Variants in PCDHA3 observed in about 807,000 individuals in gnomAD.
PCDHA3 encodes protocadherin alpha-3.
A neutral mutation model predicts 62.2 loss-of-function variants in PCDHA3; 41 were observed. That is an observed-to-expected ratio of 0.66 (90% CI 0.51 to 0.86). PCDHA3 has a LOEUF of 0.86. PCDHA3 is among the 40% of genes least tolerant of loss of function. PCDHA3 has a pLI of 0.00. For synonymous variants in PCDHA3, 640 were observed against 555.4 expected (o/e 1.15, Z -2.14); for missense variants, 1,304 against 1,241.2 (o/e 1.05, Z -0.76).
At chr5:140,882,606 C>T in intron 1 of PCDHA3, 2 of 1,614,238 alleles carry the variant, frequency 1.2e-6, no homozygotes, top group Non-Finnish European at 1.7e-6. Context: ...GTGGACAGGC[C>T]TCTGCAGGTT....
intron 1 of PCDHA3, chr5:140,870,941 C>CGGCG (rs782621545): frequency 1.2e-6 from 2 of 1,613,594 alleles, no homozygotes; most frequent in Non-Finnish European, 1.7e-6. Context: ...TTGCAGCCGG[C>CGGCG]GGCGGGCGGC....
At chr5:140,867,411 AT>A (rs2049946393) in intron 1 of PCDHA3, 2 of 152,130 alleles carry the variant, frequency 1.3e-5, no homozygotes, top group South Asian at 2.1e-4. Context: ...GTCTCCTTTA[AT>A]TTTTTAATAC....
intron 1 of PCDHA3, chr5:140,812,974 T>C (rs1202280852): frequency 6.6e-6 from 1 of 152,262 alleles, no homozygotes; most frequent in Admixed American, 6.5e-5. Flanking sequence ...TATTGATTTC[T>C]AGTTTTATTC....
intron 1 of PCDHA3, among the ~76,000 whole-genome samples, chr5:140,899,097 T>A (rs1160754058): frequency 2.0e-5 from 3 of 151,826 alleles, no homozygotes; most frequent in Non-Finnish European, 4.4e-5. Flanking sequence ...TGGGCTGAGA[T>A]AATGGGGTTT....
intron 1 of PCDHA3, chr5:140,828,163 G>T (rs1244863106): frequency 1.9e-6 from 3 of 1,614,068 alleles, no homozygotes; most frequent in Non-Finnish European, 2.5e-6. Context: ...TCGCAGCCTG[G>T]AAGGTGGGGA....
rs1554121301 is a variant in PCDHA3, at chr5:140,801,194, T to A, written c.-4T>A. On this transcript the variant is annotated 5_prime_UTR_variant, in exon 1 of 4. Coordinates refer to ENST00000522353, the MANE Select transcript of PCDHA3 (RefSeq NM_018906.3). ...GGCAATCTAATATTTGGAAAATACT[T>A]GCAATGTTGTTCTCCTGGCGAGAAG... 2.5e-6 allele frequency: 4 copies of A among 1,587,470 alleles called. No homozygotes were observed. The Admixed American group carries it at 5.5e-5, about 22-fold the overall frequency.
chr5:140,906,985 G>A (rs1418384427), intron 1 of PCDHA3, among the ~76,000 whole-genome samples: 1 of 152,170 alleles, frequency 6.6e-6, no homozygotes, highest in East Asian at 1.9e-4. Context: ...TCTGGTGGCA[G>A]CATTCCTCCC....
At chr5:140,967,881 G>A (rs2096193873) in intron 1 of PCDHA3, 2 of 1,614,034 alleles carry the variant, frequency 1.2e-6, no homozygotes, top group Non-Finnish European at 1.7e-6. Context: ...GACCTGTATA[G>A]CCCAGTGCCT....
intron 1 of PCDHA3, chr5:140,883,794 C>A (rs781822448): frequency 6.2e-7 from 1 of 1,612,476 alleles, no homozygotes; most frequent in Non-Finnish European, 8.5e-7. Flanking sequence ...AGCTACGTGT[C>A]GGTGCACGCG....
At chr5:140,995,342 A>G (rs2097678065) in intron 3 of PCDHA3, among the ~76,000 whole-genome samples, 1 of 152,122 alleles carries the variant, frequency 6.6e-6, no homozygotes, top group African/African-American at 2.4e-5. Flanking sequence ...TGTAGACGGC[A>G]TGGATAGGTC....
Position 141,010,460 on chromosome 5 carries a change from A to G in PCDHA3, c.*523A>G. ...AGACAAATAAACAGCGGAAGTTATC[A>G]GTATGGAGGGGAAGTGTAAACTTAA... On this transcript the variant is annotated 3_prime_UTR_variant, in exon 4 of 4. Coordinates refer to ENST00000522353, the MANE Select transcript of PCDHA3 (RefSeq NM_018906.3). The G allele has an allele frequency of 1.2e-6, 1 of 835,130 alleles. No individual in the cohort carries two copies. The highest frequency in any genetic ancestry group is 1.8e-6 in the Non-Finnish European group (1 of 562,732). The allele number at this position is 835,130 out of a possible 1,614,324, so 51.7% of individuals were successfully genotyped here.
intron 1 of PCDHA3, among the ~76,000 whole-genome samples, chr5:140,837,948 G>A (rs1426509555): frequency 6.6e-6 from 1 of 151,422 alleles, no homozygotes; most frequent in Non-Finnish European, 1.5e-5. Context: ...CAAAGTATTG[G>A]GATTACAGAC....
At chr5:140,903,313 C>G (rs974760383) in intron 1 of PCDHA3, among the ~76,000 whole-genome samples, 2 of 152,088 alleles carry the variant, frequency 1.3e-5, no homozygotes, top group South Asian at 4.1e-4. Context: ...ACAATAAAGA[C>G]AGCATTTTTA....
At chr5:140,975,594 A>G (rs914837592) in intron 1 of PCDHA3, among the ~76,000 whole-genome samples, 3 of 152,236 alleles carry the variant, frequency 2.0e-5, no homozygotes, top group Admixed American at 2.0e-4. Flanking sequence ...CCAGAGGGCA[A>G]TTTGTTGATG....
At chr5:140,869,861 AAAATGCTGCT>A in intron 1 of PCDHA3, 1 of 1,610,746 alleles carries the variant, frequency 6.2e-7, no homozygotes, top group Admixed American at 1.7e-5. Flanking sequence ...AGCCTTATGG[AAAATGCTGCT>A]AAAGAAACTC....
At position 140,829,335 on chromosome 5, in the gene PCDHA3, G is replaced by T. The variant is rs2150166074; in HGVS notation, c.2394+25744G>T. 2.5e-6 allele frequency: 4 copies of T among 1,614,114 alleles called. No homozygotes were observed. In the African/African-American group the frequency reaches 5.3e-5, roughly 22 times the overall value. ...TTGGTGCTGGACAGTGCCCTGGACC[G>T]CGAGAGCGTGTCGGCCTATGAGTTG... On this transcript the variant is annotated intron_variant, in intron 1 of 3. Transcript: ENST00000522353.
chr5:140,820,673 G>A (rs2150107596), intron 1 of PCDHA3, among the ~76,000 whole-genome samples: 8,895 of 152,040 alleles, frequency 0.059, 862 homozygotes, highest in African/African-American at 0.2. Flanking sequence ...TATAAAGATA[G>A]CCTGGTTAAT....
chr5:140,862,911 G>A (rs781861917), intron 1 of PCDHA3: 3 of 549,326 alleles, frequency 5.5e-6, no homozygotes, highest in Admixed American at 3.9e-5. Context: ...CGCTGCTGGC[G>A]CCTTGGGTGG....
chr5:140,900,734 G>C (rs2068260899), intron 1 of PCDHA3, among the ~76,000 whole-genome samples: 1 of 152,200 alleles, frequency 6.6e-6, no homozygotes, highest in African/African-American at 2.4e-5. Flanking sequence ...CTAGCAGTGG[G>C]ATTTCTGGAT....
Sources: gnomAD v4.1 joint callset for allele counts (sites outside exome capture counted in the v4.1 genomes callset) on GRCh38, gnomAD v4.1.1 for gene constraint, MANE v1.5 for transcripts, NCBI Gene and HGNC (gene_info 2026-07-23, HGNC 2026-07-21) for gene names.